The following FAM193A variants were observed in gnomAD, a reference collection of about 807,000 sequenced individuals.
FAM193A encodes family with sequence similarity 193 member A, also known as protein FAM193A.
Under a neutral mutation model 126.5 loss-of-function variants are expected in FAM193A, and 22 were observed. The ratio of observed to expected loss-of-function variants is 0.17; its 90% CI spans 0.12 to 0.25. FAM193A has a LOEUF of 0.25. Among genes scored for constraint, FAM193A ranks in the 10% least tolerant of loss-of-function variants. The probability of loss-of-function intolerance (pLI) is 1.00; values close to 1 mark genes in which losing one functional copy is unlikely to be tolerated. For synonymous variants in FAM193A, 761 were observed against 646.8 expected, an observed-to-expected ratio of 1.18 and a Z score of -2.68; for missense variants, 1,675 against 1,672.8, an observed-to-expected ratio of 1.00 and a Z score of -0.02.
intron 2 of FAM193A, among the ~76,000 whole-genome samples, chr4:2,602,770 C>G (rs1450238774): frequency 6.6e-6 from 1 of 151,504 alleles, no homozygotes; most frequent in Non-Finnish European, 1.5e-5. Flanking sequence ...ACACCATTCT[C>G]CTGCCTCAGC....
Position 2,693,572 on chromosome 4 carries a change from C to G in FAM193A, c.2804-14C>G. ...AAACAAACTTGGCAGTGACTCTCGC[C>G]TCTCTAAATGCAGGTGACGTGTTTC... On this transcript the variant is annotated splice_polypyrimidine_tract_variant and intron_variant, in intron 15 of 20. Coordinates refer to ENST00000637812, the MANE Select transcript of FAM193A (RefSeq NM_001366318.2). The G allele has an allele frequency of 1.2e-6, 2 of 1,600,128 alleles. No individual in the cohort carries two copies. The highest frequency in any genetic ancestry group is 1.7e-6 in the Non-Finnish European group (2 of 1,169,974).
chr4:2,608,253 T>C (rs1443724426), intron 2 of FAM193A: 16 of 773,800 alleles, frequency 2.1e-5, no homozygotes, highest in Non-Finnish European at 2.0e-6. Flanking sequence ...ATCCTGATTC[T>C]CTGCAGCCTT....
In FAM193A at chr4:2,657,846, A is replaced by G. The variant is rs113715652; in HGVS notation, c.1355A>G (p.Glu452Gly). 1.2e-6 allele frequency: 2 copies of G among 1,612,878 alleles called. No individual in the cohort carries two copies. Among genetic ancestry groups the G allele is most frequent in the Non-Finnish European group, 1.7e-6 (2 of 1,179,456 alleles). The change falls in exon 8 of 21, where the codon GAG becomes GGG. Residue 452 changes from glutamate (E) to glycine (G), a missense_variant. Physicochemically the swap from Glu to Gly is moderately conservative, Grantham distance 98 (BLOSUM62 -2). This residue lies in a region of FAM193A where 1,186 missense variants were observed against 1,109.2 expected (regional missense o/e 1.07). Transcript: ENST00000637812. ...CAGCGCATGTTAACAGAAGACTGGGAGCTTTTTAAACAAAGAAGATTCATT... is the reference window on the plus strand; with the variant it reads ...CAGCGCATGTTAACAGAAGACTGGGGGCTTTTTAAACAAAGAAGATTCATT... Reference protein sequence around the residue: ...TKQRMLTEDWELFKQRRFIEE... With the variant: ...TKQRMLTEDWGLFKQRRFIEE...
At chr4:2,612,448 G>A (rs968397661) in intron 2 of FAM193A, among the ~76,000 whole-genome samples, 4 of 152,016 alleles carry the variant, frequency 2.6e-5, no homozygotes, top group Non-Finnish European at 4.4e-5. Flanking sequence ...GCAGTGAGCC[G>A]AGATTGCACC....
intron 18 of FAM193A, among the ~76,000 whole-genome samples, chr4:2,699,446 C>CCCCACA (rs748329252): frequency 7.4e-4 from 77 of 103,504 alleles, no homozygotes; most frequent in African/African-American, 9.8e-4. Context: ...ACCCCCCCCC[C>CCCCACA]CACACACACA....
intron 1 of FAM193A, among the ~76,000 whole-genome samples, chr4:2,552,815 G>A (rs846088): frequency 2.7e-5 from 4 of 150,732 alleles, no homozygotes; most frequent in Non-Finnish European, 4.4e-5. Flanking sequence ...GGGATTACAG[G>A]TGTGAGCCAC....
chr4:2,716,759 C>G (rs955768029), intron 20 of FAM193A, among the ~76,000 whole-genome samples: 1 of 152,134 alleles, frequency 6.6e-6, no homozygotes, highest in Admixed American at 6.6e-5. Context: ...TCACTGCAAC[C>G]TCTGCCTCCC....
intron 2 of FAM193A, among the ~76,000 whole-genome samples, chr4:2,597,156 G>A (rs536392227): frequency 1.1e-4 from 17 of 152,140 alleles, no homozygotes; most frequent in South Asian, 6.2e-4. Flanking sequence ...TATCCTTGGG[G>A]TCTCATTGTC....
At chr4:2,613,557 A>G (rs1439879009) in intron 2 of FAM193A, among the ~76,000 whole-genome samples, 1 of 150,936 alleles carries the variant, frequency 6.6e-6, no homozygotes, top group Non-Finnish European at 1.5e-5. Flanking sequence ...GGGTTCAAGC[A>G]ATTATCCTGC....
At chr4:2,638,335 C>G (rs1462904369) in intron 5 of FAM193A, among the ~76,000 whole-genome samples, 1 of 152,206 alleles carries the variant, frequency 6.6e-6, no homozygotes, top group Non-Finnish European at 1.5e-5. Context: ...ATGGGCTTGG[C>G]ATTTCACCTG....
chr4:2,546,021 G>A (rs964385039), intron 1 of FAM193A, among the ~76,000 whole-genome samples: 40 of 152,178 alleles, frequency 2.6e-4, no homozygotes, highest in African/African-American at 7.5e-4. Flanking sequence ...GGTAGCAGGC[G>A]CCTGTAATCA....
At chr4:2,618,413 T>C (rs917213783) in intron 2 of FAM193A, among the ~76,000 whole-genome samples, 1 of 152,040 alleles carries the variant, frequency 6.6e-6, no homozygotes, top group African/African-American at 2.4e-5. Flanking sequence ...TTCTCTGTGC[T>C]TCATTTTGGA....
At chr4:2,666,969 CT>C (rs978909727) in intron 12 of FAM193A, among the ~76,000 whole-genome samples, 4 of 152,110 alleles carry the variant, frequency 2.6e-5, no homozygotes, top group Non-Finnish European at 1.5e-5. Context: ...TTGATTATTT[CT>C]TTCTATGTTC....
chr4:2,583,064 G>A (rs1026878293), intron 1 of FAM193A, among the ~76,000 whole-genome samples: 19 of 152,176 alleles, frequency 1.2e-4, no homozygotes, highest in African/African-American at 4.6e-4. Context: ...CACCTCCCGG[G>A]TTCAAGCGAT....
At chr4:2,566,692 A>C (rs1311299708) in intron 1 of FAM193A, among the ~76,000 whole-genome samples, 5 of 152,086 alleles carry the variant, frequency 3.3e-5, no homozygotes, top group African/African-American at 1.2e-4. Flanking sequence ...TGTCTCAAAA[A>C]AAGAAAATGG....
chr4:2,661,709 G>C (rs534726729), intron 10 of FAM193A, among the ~76,000 whole-genome samples: 1 of 152,162 alleles, frequency 6.6e-6, no homozygotes, highest in Non-Finnish European at 1.5e-5. Flanking sequence ...AGATCACGAC[G>C]AGTTCCTAGG....
chr4:2,654,904 A>G, intron 7 of FAM193A: 1 of 470,954 alleles, frequency 2.1e-6, no homozygotes. Flanking sequence ...ATGCCCTGTG[A>G]CCAGTCATCT....
chr4:2,585,323 C>G (rs1740172672), intron 1 of FAM193A, among the ~76,000 whole-genome samples: 2 of 152,150 alleles, frequency 1.3e-5, no homozygotes, highest in African/African-American at 4.8e-5. Flanking sequence ...GTGGTTATAC[C>G]TATTTTCACT....
intron 2 of FAM193A, among the ~76,000 whole-genome samples, chr4:2,602,267 C>G (rs774176787): frequency 6.6e-6 from 1 of 151,464 alleles, no homozygotes; most frequent in Non-Finnish European, 1.5e-5. Context: ...TTAGTTTCCT[C>G]TGGCTCTCTC....
Sources: gnomAD v4.1 joint callset for allele counts (sites outside exome capture counted in the v4.1 genomes callset) on GRCh38, gnomAD v4.1.1 for gene constraint, gnomAD v4.1.1 regional missense constraint, MANE v1.5 for transcripts, NCBI Gene and HGNC (gene_info 2026-07-23, HGNC 2026-07-21) for gene names.